Variants in TEX9 observed in about 807,000 individuals in gnomAD.
TEX9 encodes the protein testis expressed 9.
In TEX9, 74 loss-of-function variants were observed where a neutral mutation model predicts 59.6. The observed-to-expected ratio is 1.24, with a 90% CI of 1.03 to 1.51. The LOEUF is 1.51. Among genes scored for constraint, TEX9 ranks in the 40% most tolerant of loss-of-function variants. The pLI is 0.00. For synonymous variants in TEX9, 186 were observed against 152.2 expected, an observed-to-expected ratio of 1.22 and a Z score of -1.64; for missense variants, 522 against 447.8, an observed-to-expected ratio of 1.17 and a Z score of -1.49.
chr15:56,301,388 C>G (rs1321627425), intron 1 of TEX9, among the ~76,000 whole-genome samples: 1 of 151,916 alleles, frequency 6.6e-6, no homozygotes. Context: ...TGAAGAATAA[C>G]AGAAAATTTT....
chr15:56,393,299 C>T (rs1464596112), intron 7 of TEX9, among the ~76,000 whole-genome samples: 2 of 152,086 alleles, frequency 1.3e-5, no homozygotes, highest in South Asian at 2.1e-4. Flanking sequence ...CCAAAGAGAC[C>T]TAGGTAGGGT....
intron 12 of TEX9, among the ~76,000 whole-genome samples, chr15:56,432,286 T>C (rs759058843): frequency 4.6e-5 from 7 of 152,170 alleles, no homozygotes; most frequent in Non-Finnish European, 8.8e-5. Context: ...TTAAATTGTT[T>C]AGGCAGTTAC....
At chr15:56,400,779 G>T (rs753549731) in intron 9 of TEX9, among the ~76,000 whole-genome samples, 8 of 152,200 alleles carry the variant, frequency 5.3e-5, no homozygotes, top group Admixed American at 2.0e-4. Flanking sequence ...AGACTAACGG[G>T]AGATCTCTCA....
upstream of TEX9, among the ~76,000 whole-genome samples, chr15:56,362,988 C>T (rs189383994): frequency 1.7e-4 from 26 of 152,242 alleles, no homozygotes; most frequent in East Asian, 5.0e-3. Flanking sequence ...TATTTAATTA[C>T]TAATCAGTTT....
Position 56,427,739 on chromosome 15 carries a change from G to GGTGA in TEX9, c.1098+3_1098+6dup. On this transcript the variant is annotated frameshift_variant and splice_region_variant. Coordinates refer to ENST00000352903, the Ensembl canonical transcript of TEX9. LOFTEE classifies it high-confidence loss of function. ...TAATTGATGTTTTAAAAAGGCAAAA[G>GGTGA]GTGAGTCTATCATTAAAGTTAAATC... is the stretch of plus-strand genomic sequence containing the variant. 1 of 1,468,186 alleles carries GGTGA rather than the reference G, an allele frequency of 6.8e-7. No homozygotes were observed. The highest frequency in any genetic ancestry group is 1.9e-4 in the Middle Eastern group (1 of 5,374). The allele number at this position is 1,468,186 out of a possible 1,614,324, so 90.9% of individuals were successfully genotyped here. A position where few individuals can be genotyped will look rare whatever the true frequency, so the allele number is the denominator to read the frequency against.
upstream of TEX9, chr15:56,365,389 A>T: frequency 6.3e-7 from 1 of 1,579,328 alleles, no homozygotes; most frequent in Middle Eastern, 1.9e-4. Flanking sequence ...GGCAACCGGG[A>T]TGTGGAAACT....
At chr15:56,319,477 AT>A (rs1479544314) in intron 1 of TEX9, among the ~76,000 whole-genome samples, 1 of 152,032 alleles carries the variant, frequency 6.6e-6, no homozygotes, top group Non-Finnish European at 1.5e-5. Context: ...GTATGCAAAA[AT>A]TTTAATCACA....
At chr15:56,335,822 G>C (rs886951599) in intron 1 of TEX9, among the ~76,000 whole-genome samples, 1 of 152,064 alleles carries the variant, frequency 6.6e-6, no homozygotes, top group South Asian at 2.1e-4. Context: ...TTGTTAAAGT[G>C]TGCAATGTAT....
chr15:56,328,353 G>A (rs1166510282), intron 1 of TEX9, among the ~76,000 whole-genome samples: 3 of 152,090 alleles, frequency 2.0e-5, no homozygotes, highest in East Asian at 3.9e-4. Flanking sequence ...GTGATACATC[G>A]TGGGCCTTGG....
chr15:56,402,031 A>G (rs2048813095), intron 9 of TEX9, among the ~76,000 whole-genome samples: 1 of 152,230 alleles, frequency 6.6e-6, no homozygotes, highest in Non-Finnish European at 1.5e-5. Context: ...AGGAAGCAGG[A>G]AAGATCTAAA....
intron 1 of TEX9, among the ~76,000 whole-genome samples, chr15:56,330,766 C>T (rs545996521): frequency 6.6e-6 from 1 of 150,974 alleles, no homozygotes; most frequent in African/African-American, 2.4e-5. Flanking sequence ...GGCCACAAAA[C>T]CACCAGAAAA....
intron 1 of TEX9, among the ~76,000 whole-genome samples, chr15:56,267,993 A>G (rs1179688915): frequency 1.3e-5 from 2 of 151,876 alleles, no homozygotes; most frequent in Non-Finnish European, 2.9e-5. Flanking sequence ...TTCCTCTTTT[A>G]TTTCATTGAG....
chr15:56,423,706 C>G (rs1464637850), intron 10 of TEX9, among the ~76,000 whole-genome samples: 12 of 152,116 alleles, frequency 7.9e-5, no homozygotes, highest in African/African-American at 2.9e-4. Flanking sequence ...CACATTCTAG[C>G]CCTAGGCAAC....
chr15:56,263,829 T>C lies in TEX9; in HGVS notation c.-107+19551T>C, dbSNP rs190138799. Among the ~76,000 whole-genome samples the C allele has an allele frequency of 5.3e-5, 8 of 152,372 alleles. No individual in the cohort carries two copies. In the East Asian group the frequency reaches 1.5e-3, roughly 29 times the overall value. ...TATGAAGCATTTTGTGTTTGGCTTC[T>C]TTTATGTAGAATTATACATCTCAGT... On this transcript the variant is annotated intron_variant, in intron 1 of 5. Transcript: ENST00000560827.
At position 56,358,821 on chromosome 15, in the gene TEX9, G is replaced by T. The variant is rs138710589; in HGVS notation, c.-106-14620G>T. ...TGTCCCCCATGCTGTTCTCGTGATA[G>T]TGAGTGATGTCTCATGAGATCTGAT... On this transcript the variant is annotated intron_variant, in intron 1 of 5. Coordinates refer to the TEX9 transcript ENST00000560827. 5.2e-4 allele frequency among the ~76,000 whole-genome samples: 79 copies of T among 152,242 alleles called. 4 individuals are homozygous for T. In the East Asian group the frequency reaches 0.015, roughly 29 times the overall value.
At position 56,302,538 on chromosome 15, in the gene TEX9, A is replaced by G. The variant is rs78351476; in HGVS notation, c.-107+58260A>G. ...CCTGTCTCAAAAGCAAAATAAAACA[A>G]AACAAACCTACGAAAGATACACAAA... On this transcript the variant is annotated intron_variant, in intron 1 of 5. Coordinates refer to the TEX9 transcript ENST00000560827. 3.4e-3 allele frequency among the ~76,000 whole-genome samples: 525 copies of G among 152,240 alleles called. 12 individuals carry two copies. In the East Asian group the frequency reaches 0.054, roughly 16 times the overall value.
intron 1 of TEX9, among the ~76,000 whole-genome samples, chr15:56,321,550 T>C (rs1266541094): frequency 6.6e-6 from 1 of 152,128 alleles, no homozygotes. Context: ...AGGTAATTTA[T>C]GAAGGACAGG....
chr15:56,415,053 G>A (rs918590100), intron 10 of TEX9, among the ~76,000 whole-genome samples: 2 of 151,648 alleles, frequency 1.3e-5, no homozygotes, highest in Non-Finnish European at 2.9e-5. Context: ...AGACGTGTCT[G>A]TTCTTGTTCT....
chr15:56,457,065 A>T, the TEX9 span, among the ~76,000 whole-genome samples: 1 of 152,208 alleles, frequency 6.6e-6, no homozygotes, highest in African/African-American at 2.4e-5. Flanking sequence ...AATCCAAACA[A>T]GATCCACATA....
Sources: gnomAD v4.1 joint callset for allele counts (sites outside exome capture counted in the v4.1 genomes callset) on GRCh38, gnomAD v4.1.1 for gene constraint, MANE v1.5 for transcripts, NCBI Gene and HGNC (gene_info 2026-07-23, HGNC 2026-07-21) for gene names.